Variants in MDN1 observed in about 807,000 individuals in gnomAD.
The protein encoded by MDN1 is midasin.
In MDN1, 266 loss-of-function variants were observed where a neutral mutation model predicts 669.2. That is an observed-to-expected ratio of 0.40 (90% CI 0.36 to 0.44). The LOEUF is 0.44. Ranked by LOEUF, MDN1 falls within the 20% of genes least tolerant of loss-of-function variation. The pLI, the probability that MDN1 is intolerant of heterozygous loss-of-function variation, is 1.00. For synonymous variants in MDN1, 2,385 were observed against 2,457.1 expected, an observed-to-expected ratio of 0.97 and a Z score of 0.87; for missense variants, 5,940 against 6,754.0, an observed-to-expected ratio of 0.88 and a Z score of 4.22.
rs796670475 is a variant in MDN1 at position 89,733,699 on chromosome 6, G to C, written c.4724-924C>G. Among the ~76,000 whole-genome samples, 10 of 149,410 alleles carry C rather than the reference G, an allele frequency of 6.7e-5. No homozygotes were observed. In the South Asian group the frequency reaches 2.1e-3, roughly 31 times the overall value. ...GCAAAGGGGAAATTCCAGTAACAAT[G>C]AGGAAACAAATTAAATGCTATTTCA... On this transcript the variant is annotated intron_variant, in intron 33 of 101. Transcript: ENST00000369393.
At chr6:89,753,476 C>A in intron 22 of MDN1, 36 bp downstream of exon 22, 3 of 1,478,272 alleles carry the variant, frequency 2.0e-6, no homozygotes, top group Non-Finnish European at 2.8e-6. Flanking sequence ...TTCAGCCTTT[C>A]AAGTGTAACA....
intron 73 of MDN1, among the ~76,000 whole-genome samples, chr6:89,682,791 A>G (rs1355747806): frequency 1.3e-5 from 2 of 150,136 alleles, no homozygotes; most frequent in African/African-American, 2.4e-5. Context: ...AAAAAAAAAA[A>G]AAAAAAAATA....
chr6:89,743,219 T>C lies in MDN1; in HGVS notation c.4379A>G (p.Lys1460Arg), dbSNP rs1816384044. The C allele has an allele frequency of 1.2e-6, 2 of 1,614,202 alleles. No homozygotes were observed. The highest frequency in any genetic ancestry group is 2.2e-5 in the East Asian group (1 of 44,888). The change falls in exon 31 of 102, where the codon AAG becomes AGG. Residue 1460 changes from lysine (K) to arginine (R), a missense_variant. Physicochemically the swap from Lys to Arg is conservative, Grantham distance 26. Transcript: ENST00000369393. ...ATCCAAGAGGAAAAAGCCGTCCTCC[T>C]TCATGGCCTGAACCAGAGGCCCATC... ...WHDGPLVQAM[K>R]EDGFFLLDEI...
intron 50 of MDN1, 82 bp from the exon 51 acceptor site, chr6:89,708,710 T>A: frequency 1.4e-6 from 2 of 1,455,414 alleles, no homozygotes; most frequent in Non-Finnish European, 1.9e-6. Flanking sequence ...AATATTTTCA[T>A]TGTTTTACTT....
chr6:89,787,897 A>C lies in MDN1; in HGVS notation c.1291T>G (p.Cys431Gly), dbSNP rs1295384926. ...GELLIPGRGDCLKVAPGFQFF... is the reference protein window; with the variant it reads ...GELLIPGRGDGLKVAPGFQFF... ...TGAAATCCAGGTGCCACTTTCAGAC[A>C]GTCACCTCGGCCAGGAATCAAGAGC... Residue 431 changes from cysteine (C) to glycine (G), a missense_variant, in exon 8 of 102, where the codon TGT becomes GGT. Transcript: ENST00000369393. 8.7e-6 allele frequency: 14 copies of C among 1,613,756 alleles called. No homozygotes were observed. The highest frequency in any genetic ancestry group is 1.2e-5 in the Non-Finnish European group (14 of 1,180,020).
At chr6:89,759,930 G>A (rs1166619432) in intron 17 of MDN1, among the ~76,000 whole-genome samples, 1 of 151,596 alleles carries the variant, frequency 6.6e-6, no homozygotes, top group Non-Finnish European at 1.5e-5. Context: ...AAATTAGCTG[G>A]GCGTGGTGGC....
intron 22 of MDN1, among the ~76,000 whole-genome samples, chr6:89,752,571 T>G (rs1415275337): frequency 6.6e-6 from 1 of 152,186 alleles, no homozygotes; most frequent in Non-Finnish European, 1.5e-5. Context: ...TCCCATGCTA[T>G]TCTGTAATTT....
At chr6:89,672,843 A>C in intron 80 of MDN1, 141 bp from the exon 81 acceptor site, 17 of 894,652 alleles carry the variant, frequency 1.9e-5, no homozygotes, top group Non-Finnish European at 1.8e-5. Context: ...GAAGAGACAA[A>C]TTCCTTGCCT....
At chr6:89,657,296 A>G (rs909294581) in intron 90 of MDN1, among the ~76,000 whole-genome samples, 7 of 152,324 alleles carry the variant, frequency 4.6e-5, no homozygotes, top group Admixed American at 3.3e-4. Flanking sequence ...GGTGGTAGTC[A>G]TACGGTATAA....
At position 89,776,614 on chromosome 6, in the gene MDN1, T is replaced by C. The variant is rs768020102; in HGVS notation, c.1807A>G (p.Ile603Val). 13 of 1,608,788 alleles carry C rather than the reference T, an allele frequency of 8.1e-6. No homozygotes were observed. Among genetic ancestry groups the C allele is most frequent in the Non-Finnish European group, 1.1e-5 (13 of 1,176,340 alleles). The change falls in exon 12 of 102, where the codon ATT (isoleucine) becomes GTT (valine). Residue 603 changes from isoleucine (I) to valine (V), a missense_variant. By Grantham distance (29) the Ile-to-Val change is conservative. This residue lies in a region of MDN1 where 1,203 missense variants were observed against 1,268.9 expected (regional missense o/e 0.95). Coordinates refer to ENST00000369393, the MANE Select transcript of MDN1 (RefSeq NM_014611.3). ...AGCACACATACCTTTTTTCTAGAAATGTTCAATTTGCTTCCAATAACTTCT... is the reference window on the plus strand; with the variant it reads ...AGCACACATACCTTTTTTCTAGAAACGTTCAATTTGCTTCCAATAACTTCT... ...MAEVIGSKLNISRKKAEFFCQ... is the reference protein window; with the variant it reads ...MAEVIGSKLNVSRKKAEFFCQ...
At chr6:89,673,941 T>G in intron 79 of MDN1, among the ~76,000 whole-genome samples, 163 bp downstream of exon 79, 1 of 144,066 alleles carries the variant, frequency 6.9e-6, no homozygotes. Flanking sequence ...ACACCCCCTA[T>G]CCCCACCCCA....
At chr6:89,688,224 G>C in intron 66 of MDN1, 51 bp from the exon 67 acceptor site, 1 of 1,506,298 alleles carries the variant, frequency 6.6e-7, no homozygotes, top group Non-Finnish European at 9.2e-7. Context: ...GTGATCCTAA[G>C]TCACAGGGTA....
At chr6:89,770,259 C>T (rs1320218070) in intron 15 of MDN1, among the ~76,000 whole-genome samples, 2 of 151,874 alleles carry the variant, frequency 1.3e-5, no homozygotes, top group African/African-American at 2.4e-5. Flanking sequence ...CAAAAATTAG[C>T]TGGGCATGGT....
chr6:89,772,492 T>C lies in MDN1; in HGVS notation c.2083+81A>G, dbSNP rs1371878890. 21 of 1,512,834 alleles carry C rather than the reference T, an allele frequency of 1.4e-5. No individual in the cohort carries two copies. In the East Asian group the frequency reaches 4.3e-4, roughly 31 times the overall value. The allele number at this position is 1,512,834 out of a possible 1,614,324, so 93.7% of individuals were successfully genotyped here. On this transcript the variant is annotated intron_variant, in intron 14 of 101. Coordinates refer to ENST00000369393, the MANE Select transcript of MDN1 (RefSeq NM_014611.3). Reference sequence around the variant, plus strand: ...GGCACTCTTTAAACTCTGTGGTCTTTGGATTTAGTATTTTTAAAAAAGGAA... The same window carrying C: ...GGCACTCTTTAAACTCTGTGGTCTTCGGATTTAGTATTTTTAAAAAAGGAA...
chr6:89,759,093 G>A (rs1584328418), intron 17 of MDN1, 133 bp from the exon 18 acceptor site: 1 of 817,170 alleles, frequency 1.2e-6, no homozygotes, highest in South Asian at 1.9e-5. Flanking sequence ...ACTTTAACTG[G>A]CTGACAGCAG....
At chr6:89,718,252 T>C in intron 43 of MDN1, 114 bp downstream of exon 43, 1 of 1,196,052 alleles carries the variant, frequency 8.4e-7, no homozygotes, top group Non-Finnish European at 1.2e-6. Context: ...TCCCACAAGT[T>C]CTGATTGTTA....
intron 62 of MDN1, 130 bp from the exon 63 acceptor site, chr6:89,693,278 C>T: frequency 1.5e-6 from 1 of 648,342 alleles, no homozygotes; most frequent in South Asian, 2.0e-5. Context: ...AATATCATCT[C>T]AGTTGTGATA....
At chr6:89,691,986 T>C (rs189455563) in intron 63 of MDN1, among the ~76,000 whole-genome samples, 303 of 152,322 alleles carry the variant, frequency 2.0e-3, no homozygotes, top group Non-Finnish European at 3.4e-3. Context: ...TATTAATATA[T>C]ATACACATAC....
intron 90 of MDN1, 60 bp from the exon 91 acceptor site, chr6:89,656,861 C>T (rs894464954): frequency 9.9e-6 from 14 of 1,410,092 alleles, no homozygotes; most frequent in Non-Finnish European, 1.4e-5. Flanking sequence ...TCCCTGGTTA[C>T]TGTGCTGCAT....
Sources: gnomAD v4.1 joint callset for allele counts (sites outside exome capture counted in the v4.1 genomes callset) on GRCh38, gnomAD v4.1.1 for gene constraint, gnomAD v4.1.1 regional missense constraint, MANE v1.5 for transcripts, NCBI Gene and HGNC (gene_info 2026-07-23, HGNC 2026-07-21) for gene names.